Variants in EYA1 observed in about 807,000 individuals in gnomAD.
EYA1 encodes protein phosphatase EYA1.
In EYA1, 16 loss-of-function variants were observed where a neutral mutation model predicts 82.0. The observed-to-expected ratio is 0.20, with a 90% confidence interval of 0.13 to 0.30. EYA1 has a LOEUF of 0.30. EYA1 is among the 10% of genes least tolerant of loss of function. The pLI is 1.00. For synonymous variants in EYA1, 261 were observed against 264.4 expected, an observed-to-expected ratio of 0.99 and a Z score of 0.12; for missense variants, 633 against 730.7, an observed-to-expected ratio of 0.87 and a Z score of 1.54.
chr8:71,458,134 A>G (rs546077189), intron 2 of EYA1, among the ~76,000 whole-genome samples: 51 of 152,308 alleles, frequency 3.3e-4, no homozygotes, highest in African/African-American at 1.1e-3. Flanking sequence ...ACTTTTAAAT[A>G]TAGAAAATAG....
chr8:71,223,903 C>G (rs1385236827), intron 12 of EYA1, among the ~76,000 whole-genome samples: 1 of 152,154 alleles, frequency 6.6e-6, no homozygotes, highest in African/African-American at 2.4e-5. Context: ...TACTTTCCCC[C>G]CAAGCCTTTC....
At chr8:71,268,114 A>T (rs1432833280) in intron 11 of EYA1, among the ~76,000 whole-genome samples, 1 of 152,244 alleles carries the variant, frequency 6.6e-6, no homozygotes. Flanking sequence ...AGGTCATGGG[A>T]TGCCTAACTC....
chr8:71,394,899 C>T lies in EYA1; in HGVS notation c.34-38388G>A, dbSNP rs535506415. ...ACCTTGGGCAGTATGGCCATTTTCACGATATTGATTCTTCCTATCCATGAG... is the reference window on the plus strand; with the variant it reads ...ACCTTGGGCAGTATGGCCATTTTCATGATATTGATTCTTCCTATCCATGAG... On this transcript the variant is annotated intron_variant, in intron 2 of 18. Transcript: ENST00000643681. 1.5e-3 allele frequency among the ~76,000 whole-genome samples: 226 copies of T among 152,234 alleles called. 3 individuals are homozygous for T. Among genetic ancestry groups the T allele is most frequent in the African/African-American group, 5.0e-3 (207 of 41,536 alleles).
chr8:71,420,707 TC>T (rs1831101347), intron 2 of EYA1, among the ~76,000 whole-genome samples: 1 of 152,074 alleles, frequency 6.6e-6, no homozygotes, highest in Non-Finnish European at 1.5e-5. Context: ...GCTTCAAGTC[TC>T]CAGAAGCACT....
At chr8:71,498,835 A>G (rs1811606411) in intron 2 of EYA1, among the ~76,000 whole-genome samples, 1 of 152,196 alleles carries the variant, frequency 6.6e-6, no homozygotes, top group African/African-American at 2.4e-5. Context: ...GGCTGAAGAA[A>G]TGAGTCACTA....
chr8:71,200,352 G>A (rs1480362068), intron 17 of EYA1, among the ~76,000 whole-genome samples: 1 of 152,196 alleles, frequency 6.6e-6, no homozygotes, highest in Admixed American at 6.5e-5. Context: ...AAAGAGAAAT[G>A]AGGGTTTTTG....
At chr8:71,226,598 A>G (rs1810583085) in intron 12 of EYA1, among the ~76,000 whole-genome samples, 1 of 149,594 alleles carries the variant, frequency 6.7e-6, no homozygotes, top group Non-Finnish European at 1.5e-5. Context: ...AGCTTATTTA[A>G]AACTGTTCAA....
intron 12 of EYA1, among the ~76,000 whole-genome samples, chr8:71,242,074 T>C (rs1264242460): frequency 1.3e-5 from 2 of 151,938 alleles, no homozygotes; most frequent in African/African-American, 4.8e-5. Context: ...CCACGCATGG[T>C]GGTGTGTATC....
intron 11 of EYA1, among the ~76,000 whole-genome samples, chr8:71,253,586 A>T (rs1051020781): frequency 1.6e-4 from 24 of 152,206 alleles, no homozygotes; most frequent in African/African-American, 5.5e-4. Context: ...AGACAAAGAA[A>T]CTACCCGTAG....
chr8:71,493,022 T>G (rs1056008845), intron 2 of EYA1, among the ~76,000 whole-genome samples: 1 of 152,238 alleles, frequency 6.6e-6, no homozygotes, highest in Non-Finnish European at 1.5e-5. Context: ...CTAATTGGTT[T>G]TCTATTCCTG....
At chr8:71,250,357 T>C (rs1813602953) in intron 11 of EYA1, among the ~76,000 whole-genome samples, 1 of 152,172 alleles carries the variant, frequency 6.6e-6, no homozygotes, top group Admixed American at 6.5e-5. Context: ...ATGGAGCCTG[T>C]ACACTCACAT....
intron 2 of EYA1, among the ~76,000 whole-genome samples, chr8:71,517,588 T>C (rs1231360237): frequency 5.3e-5 from 8 of 151,654 alleles, no homozygotes. Context: ...CTCATTATTA[T>C]ATATAAAGTG....
At chr8:71,411,956 A>AT (rs1830615542) in intron 2 of EYA1, among the ~76,000 whole-genome samples, 1 of 151,760 alleles carries the variant, frequency 6.6e-6, no homozygotes, top group Non-Finnish European at 1.5e-5. Flanking sequence ...ATTATTCACA[A>AT]TAGCAAAGAC....
intron 3 of EYA1, among the ~76,000 whole-genome samples, chr8:71,346,455 T>TATA (rs1491578629): frequency 7.4e-6 from 1 of 134,792 alleles, no homozygotes; most frequent in African/African-American, 3.1e-5. Flanking sequence ...TATATATATA[T>TATA]CTATATATAT....
chr8:71,418,257 C>T (rs530852355), intron 2 of EYA1, among the ~76,000 whole-genome samples: 27 of 152,232 alleles, frequency 1.8e-4, no homozygotes, highest in Non-Finnish European at 3.2e-4. Context: ...TTGGTTCGCA[C>T]GGTGTTTTTA....
rs56047377 is a variant in EYA1, at chr8:71,254,243, C to CAAAAAAA, written c.1051-9558_1051-9552dup. On this transcript the variant is annotated intron_variant, in intron 11 of 17. Coordinates refer to ENST00000340726, the MANE Select transcript of EYA1 (RefSeq NM_000503.6). ...TATACCCCATCTATAAAGTCTTGGC[C>CAAAAAAA]AAAAAAAAAAAAAAAAAAAAAAAAA... Among the ~76,000 whole-genome samples the CAAAAAAA allele has an allele frequency of 1.1e-3, 57 of 51,460 alleles. 1 individual carries two copies. The highest frequency in any genetic ancestry group is 0.022 in the Middle Eastern group (1 of 46). The allele number at this position is 51,460 out of a possible 152,430, so 33.8% of individuals were successfully genotyped here. A position where few individuals can be genotyped will look rare whatever the true frequency, so the allele number is the denominator to read the frequency against.
chr8:71,215,393 T>C lies in EYA1; in HGVS notation c.1591A>G (p.Lys531Glu). ...GAAAAGAAAAGCAGCTCACCTATTT[T>C]AGTTGCACTGTAAATATTTTCTATT... ...FPIENIYSAT[K>E]IGKESCFERI... The change falls in exon 16 of 18, where the codon AAA (lysine) becomes GAA (glutamate). Residue 531 changes from lysine (K) to glutamate (E), a missense_variant. By Grantham distance (56) the Lys-to-Glu change is moderately conservative. Coordinates refer to ENST00000340726, the MANE Select transcript of EYA1 (RefSeq NM_000503.6). 6.2e-7 allele frequency: 1 copy of C among 1,612,746 alleles called. No individual in the cohort carries two copies. Among genetic ancestry groups the C allele is most frequent in the Non-Finnish European group, 8.5e-7 (1 of 1,178,874 alleles).
chr8:71,541,847 T>A (rs1403012410), intron 1 of EYA1, among the ~76,000 whole-genome samples: 1 of 152,194 alleles, frequency 6.6e-6, no homozygotes, highest in Non-Finnish European at 1.5e-5. Flanking sequence ...GCATTGCTAG[T>A]CTTCTTCAAA....
chr8:71,497,394 C>CA (rs1437542228), intron 2 of EYA1, among the ~76,000 whole-genome samples: 1 of 152,152 alleles, frequency 6.6e-6, no homozygotes, highest in East Asian at 1.9e-4. Context: ...AGCAAGAAAA[C>CA]AACCCAATTT....
Sources: allele counts gnomAD v4.1 joint callset (sites outside exome capture counted in the v4.1 genomes callset), GRCh38; gene constraint gnomAD v4.1.1; transcripts MANE v1.5; gene names NCBI Gene and HGNC (gene_info 2026-07-23, HGNC 2026-07-21).